Variants in CKAP5 observed in about 807,000 individuals in gnomAD.
CKAP5 encodes the protein cytoskeleton associated protein 5, also known as cytoskeleton-associated protein 5.
CKAP5 carries 27 observed loss-of-function variants against 232.8 expected under a neutral mutation model. That is an observed-to-expected ratio of 0.12 (90% CI 0.09 to 0.16). The LOEUF (loss-of-function observed/expected upper bound fraction) is 0.16. Among genes scored for constraint, CKAP5 ranks in the 10% least tolerant of loss-of-function variants. CKAP5 has a pLI of 1.00. For missense variants in CKAP5, 1,838 were observed against 2,424.7 expected (o/e 0.76, Z 5.08); for synonymous variants, 785 against 841.1 (o/e 0.93, Z 1.16).
intron 1 of CKAP5, among the ~76,000 whole-genome samples, chr11:46,843,469 G>A (rs1367215255): frequency 1.3e-5 from 2 of 151,930 alleles, no homozygotes; most frequent in South Asian, 2.1e-4. Context: ...AGTGGTTCAC[G>A]CCTGTAATCC....
At chr11:46,810,972 T>G in intron 5 of CKAP5, 35 bp downstream of exon 5, 1 of 1,534,942 alleles carries the variant, frequency 6.5e-7, no homozygotes, top group South Asian at 1.2e-5. Context: ...CATATTAACC[T>G]TGTGCGAAAG....
In CKAP5 at chr11:46,770,367, G is replaced by A. The variant is rs1654865841; in HGVS notation, c.3187-269C>T. The A allele has an allele frequency of 1.2e-5, 5 of 405,002 alleles. No individual in the cohort carries two copies. The East Asian group carries it at 2.1e-4, about 17-fold the overall frequency. The allele number at this position is 405,002 out of a possible 1,614,324, so 25.1% of individuals were successfully genotyped here. ...ACTGCTTAATATTTTATTTTTGCTTGTTACGATTTCAAATTGAGACTCACA... is the reference window on the plus strand; with the variant it reads ...ACTGCTTAATATTTTATTTTTGCTTATTACGATTTCAAATTGAGACTCACA... On this transcript the variant is annotated intron_variant, in intron 25 of 43. Transcript: ENST00000529230.
chr11:46,837,992 T>C (rs1364356172), intron 1 of CKAP5, among the ~76,000 whole-genome samples: 3 of 151,972 alleles, frequency 2.0e-5, no homozygotes, highest in Non-Finnish European at 4.4e-5. Flanking sequence ...GTAAATTCAC[T>C]GTAGAAACCT....
chr11:46,774,315 G>T (rs1464205251), intron 24 of CKAP5, among the ~76,000 whole-genome samples: 1 of 152,116 alleles, frequency 6.6e-6, no homozygotes, highest in Non-Finnish European at 1.5e-5. Flanking sequence ...CCTCTTCAAG[G>T]AGAACTACAA....
At chr11:46,801,361 G>C in intron 8 of CKAP5, 57 bp from the exon 9 acceptor site, 3 of 1,339,522 alleles carry the variant, frequency 2.2e-6, no homozygotes, top group Non-Finnish European at 3.2e-6. Context: ...GAAGGGTATT[G>C]AAATTTTATT....
intron 13 of CKAP5, among the ~76,000 whole-genome samples, chr11:46,794,677 T>A (rs1468014253): frequency 3.3e-5 from 5 of 151,044 alleles, no homozygotes; most frequent in South Asian, 2.1e-4. Context: ...CTATAAAAAA[T>A]TTTTAAAAAT....
In CKAP5 at chr11:46,784,499, T is replaced by A; in HGVS notation, c.2143A>T (p.Thr715Ser). 1.2e-6 allele frequency: 2 copies of A among 1,613,786 alleles called. No individual in the cohort carries two copies. The highest frequency in any genetic ancestry group is 1.7e-6 in the Non-Finnish European group (2 of 1,179,776). ...TCTGTGTCACTAACCTGTTCAGCAG[T>A]CCATGGTAACATACAGGCTTCGGCT... is the stretch of plus-strand genomic sequence containing the variant. ...AIAEACMLPWTAEQVVSMAFS... is the reference protein window; with the variant it reads ...AIAEACMLPWSAEQVVSMAFS... Residue 715 changes from threonine to serine, a missense_variant, in exon 17 of 44, where the codon ACT (threonine) becomes TCT (serine). Physicochemically the swap from Thr to Ser is moderately conservative, Grantham distance 58. Transcript: ENST00000529230.
At position 46,818,265 on chromosome 11, in the gene CKAP5, C is replaced by T. The variant is rs372686382; in HGVS notation, c.251+45G>A. On this transcript the variant is annotated intron_variant, in intron 3 of 43. Transcript: ENST00000529230. ...ATCTACAAACATACATTATGTAACA[C>T]CAAACAGGGGTTTTTATCAGTAAAG... 3.5e-6 allele frequency: 5 copies of T among 1,443,454 alleles called. No individual in the cohort carries two copies. In the Admixed American group the frequency reaches 6.8e-5, roughly 20 times the overall value. 89.4% of individuals were successfully genotyped at this position (1,443,454 alleles called of 1,614,324 possible).
At chr11:46,806,899 C>T (rs1939168019) in intron 8 of CKAP5, among the ~76,000 whole-genome samples, 2 of 152,166 alleles carry the variant, frequency 1.3e-5, no homozygotes, top group Admixed American at 6.5e-5. Flanking sequence ...AGCTTTTACA[C>T]TATAAACAAG....
At chr11:46,813,232 C>T (rs1004292551) in intron 4 of CKAP5, among the ~76,000 whole-genome samples, 2 of 152,136 alleles carry the variant, frequency 1.3e-5, no homozygotes, top group Middle Eastern at 3.4e-3. Context: ...TAACTTGGCT[C>T]AGCTGACCTT....
At chr11:46,840,879 A>G (rs1940036692) in intron 1 of CKAP5, among the ~76,000 whole-genome samples, 2 of 152,144 alleles carry the variant, frequency 1.3e-5, no homozygotes, top group Admixed American at 1.3e-4. Flanking sequence ...CACAGGTAAA[A>G]AAAAACCTGG....
intron 1 of CKAP5, among the ~76,000 whole-genome samples, chr11:46,830,498 T>C (rs890867269): frequency 2.7e-5 from 4 of 148,730 alleles, no homozygotes. Flanking sequence ...GCCACAGGCC[T>C]AGGAGTGCCA....
chr11:46,802,553 G>GAGACACACACACACACACAC (rs1555165924), intron 8 of CKAP5, among the ~76,000 whole-genome samples: 9 of 142,460 alleles, frequency 6.3e-5, no homozygotes, highest in African/African-American at 2.5e-4. Flanking sequence ...CAGACAGACA[G>GAGACACACACACACACACAC]ACAGACACAC....
intron 7 of CKAP5, 25 bp downstream of exon 7, chr11:46,809,374 AT>A: frequency 7.2e-7 from 1 of 1,391,214 alleles, no homozygotes; most frequent in Non-Finnish European, 1.0e-6. Flanking sequence ...CAAGAAATAA[AT>A]GAAAGAAGTT....
At chr11:46,840,736 T>C (rs1052963299) in intron 1 of CKAP5, among the ~76,000 whole-genome samples, 6 of 152,170 alleles carry the variant, frequency 3.9e-5, no homozygotes, top group African/African-American at 1.2e-4. Context: ...CTTTGCAATA[T>C]CCTTTATAAT....
At chr11:46,818,815 A>G (rs1365972391) in intron 2 of CKAP5, among the ~76,000 whole-genome samples, 1 of 152,224 alleles carries the variant, frequency 6.6e-6, no homozygotes, top group African/African-American at 2.4e-5. Flanking sequence ...AAGATGTGAT[A>G]ACTCAAACAT....
chr11:46,841,307 A>G (rs1299260738), intron 1 of CKAP5, among the ~76,000 whole-genome samples: 3 of 151,748 alleles, frequency 2.0e-5, no homozygotes, highest in Non-Finnish European at 2.9e-5. Context: ...ACTGAATTAG[A>G]GGACACACAG....
chr11:46,796,920 A>C lies in CKAP5; in HGVS notation c.1359T>G (p.Pro453=), dbSNP rs770325879. ...CTTCAAATGCGGCATCTCTGACTTC[A>C]GGAGCAGAATCATTGATGTGCTATA... ...ALLKHINDSA[P]EVRDAAFEAL... The change falls in exon 12 of 44, where the codon CCT becomes CCG. Residue 453 remains proline, a synonymous_variant. Coordinates refer to ENST00000529230, the MANE Select transcript of CKAP5 (RefSeq NM_001008938.4). 1 of 1,614,002 alleles carries C rather than the reference A, an allele frequency of 6.2e-7. No individual in the cohort carries two copies. Among genetic ancestry groups the C allele is most frequent in the African/African-American group, 1.3e-5 (1 of 75,056 alleles).
chr11:46,840,102 G>A (rs1344524346), intron 1 of CKAP5, among the ~76,000 whole-genome samples: 2 of 151,984 alleles, frequency 1.3e-5, no homozygotes, highest in East Asian at 3.8e-4. Flanking sequence ...CTCCAGCCTG[G>A]GCGACAGAGT....
Sources: gnomAD v4.1 joint callset for allele counts (sites outside exome capture counted in the v4.1 genomes callset) on GRCh38, gnomAD v4.1.1 for gene constraint, MANE v1.5 for transcripts, NCBI Gene and HGNC (gene_info 2026-07-23, HGNC 2026-07-21) for gene names.